THRAP3: variants seen among roughly 807,000 people sequenced by gnomAD.
THRAP3 encodes thyroid hormone receptor-associated protein 3.
THRAP3 carries 16 observed loss-of-function variants against 101.0 expected under a neutral mutation model. That is an observed-to-expected ratio of 0.16 (90% CI 0.11 to 0.24). The LOEUF (loss-of-function observed/expected upper bound fraction) is 0.24. Ranked by LOEUF, THRAP3 falls within the 10% of genes least tolerant of loss-of-function variation. The pLI, the probability that THRAP3 is intolerant of heterozygous loss-of-function variation, is 1.00. For missense variants in THRAP3, 989 were observed against 1,202.7 expected (o/e 0.82, Z 2.63); for synonymous variants, 407 against 422.6 (o/e 0.96, Z 0.45).
chr1:36,248,369 A>G (rs1645256918), intron 1 of THRAP3, among the ~76,000 whole-genome samples: 1 of 151,102 alleles, frequency 6.6e-6, no homozygotes, highest in East Asian at 1.9e-4. Flanking sequence ...TCGAACTCCT[A>G]GCCTCAAGTG....
At chr1:36,256,280 C>T (rs1253477981) in intron 1 of THRAP3, among the ~76,000 whole-genome samples, 1 of 151,618 alleles carries the variant, frequency 6.6e-6, no homozygotes, top group Non-Finnish European at 1.5e-5. Flanking sequence ...GGCTGGAGTG[C>T]AGTGGCGCAA....
chr1:36,282,583 C>T lies in THRAP3; in HGVS notation c.20C>T (p.Ser7Phe), dbSNP rs1261483619. The change falls in exon 3 of 12, where the codon TCC (serine) becomes TTC (phenylalanine). Residue 7 changes from serine (S) to phenylalanine (F), a missense_variant. Transcript: ENST00000354618. ...TCAGAGATGTCAAAAACAAACAAAT[C>T]CAAGTCTGGATCTCGCTCTTCTCGC... MSKTNK[S>F]KSGSRSSRSR... 6.2e-7 allele frequency: 1 copy of T among 1,613,996 alleles called. No individual in the cohort carries two copies. Among genetic ancestry groups the T allele is most frequent in the Non-Finnish European group, 8.5e-7 (1 of 1,179,978 alleles).
In THRAP3 at chr1:36,255,009, A is replaced by G. The variant is rs113071179; in HGVS notation, c.-134-4373A>G. Among the ~76,000 whole-genome samples, 18 of 152,300 alleles carry G rather than the reference A, an allele frequency of 1.2e-4. 2 individuals carry two copies. Among genetic ancestry groups the G allele is most frequent in the African/African-American group, 3.8e-4 (16 of 41,568 alleles). ...GGTTTCCACTGATACCATGAAACCT[A>G]CTTGGAGCAGACATTGCACAGTTTT... On this transcript the variant is annotated intron_variant, in intron 1 of 11. Transcript: ENST00000354618.
chr1:36,276,989 AT>A (rs1191952789), intron 2 of THRAP3, among the ~76,000 whole-genome samples: 2 of 151,958 alleles, frequency 1.3e-5, no homozygotes, highest in African/African-American at 4.8e-5. Flanking sequence ...ATGTTTTGAG[AT>A]GGAGTTTCAT....
intron 1 of THRAP3, among the ~76,000 whole-genome samples, chr1:36,228,222 A>G (rs1054561618): frequency 7.2e-6 from 1 of 139,004 alleles, no homozygotes; most frequent in South Asian, 2.3e-4. Context: ...TAATTTTTGT[A>G]TTTTTTTTTC....
At position 36,281,843 on chromosome 1, in the gene THRAP3, G is replaced by A. The variant is rs561526593; in HGVS notation, c.-31-690G>A. On this transcript the variant is annotated intron_variant, in intron 2 of 11. Coordinates refer to ENST00000354618, the MANE Select transcript of THRAP3 (RefSeq NM_005119.4). ...CCCAGCACTTTGGGAGGCCGAGCCG[G>A]GCAGATTACCTGAGGTCGGGAGTTC... Among the ~76,000 whole-genome samples the A allele has an allele frequency of 2.2e-4, 34 of 152,136 alleles. No individual in the cohort carries two copies. In the East Asian group the frequency reaches 6.2e-3, roughly 28 times the overall value.
chr1:36,253,760 A>ATTTTTTTTTTTTTTTTTTTTTTTTTTT lies in THRAP3; in HGVS notation c.-134-5603_-134-5602insTTTTTTTTTTTTTTTTTTTTTTTTTTT, dbSNP rs58306701. On this transcript the variant is annotated intron_variant, in intron 1 of 11. Transcript: ENST00000354618. ...AGGCGTACACCATTGAGTCAGGCTAATTTTTTTTTTTTTTTTTTTAGTTTT... is the reference window on the plus strand; with the variant it reads ...AGGCGTACACCATTGAGTCAGGCTAATTTTTTTTTTTTTTTTTTTTTTTTTTTTTTTTTTTTTTTTTTTTTTAGTTTT... 1.8e-4 allele frequency among the ~76,000 whole-genome samples: 18 copies of ATTTTTTTTTTTTTTTTTTTTTTTTTTT among 100,216 alleles called. 1 individual carries two copies. Among genetic ancestry groups the ATTTTTTTTTTTTTTTTTTTTTTTTTTT allele is most frequent in the African/African-American group, 5.1e-4 (12 of 23,652 alleles). The allele number at this position is 100,216 out of a possible 152,430, so 65.7% of individuals were successfully genotyped here.
At chr1:36,227,569 T>C (rs505661) in intron 1 of THRAP3, among the ~76,000 whole-genome samples, 30,703 of 151,978 alleles carry the variant, frequency 0.2, 4,694 homozygotes, top group African/African-American at 0.42. Flanking sequence ...AGGCATAAGC[T>C]ACTGCGCCCA....
chr1:36,288,013 G>A (rs1368868679), intron 4 of THRAP3: 8 of 950,250 alleles, frequency 8.4e-6, no homozygotes, highest in East Asian at 1.2e-4. Flanking sequence ...TTCTTTTATC[G>A]TATTTAGCAT....
intron 2 of THRAP3, among the ~76,000 whole-genome samples, chr1:36,281,042 C>G (rs1474775266): frequency 6.6e-6 from 1 of 150,766 alleles, no homozygotes; most frequent in Non-Finnish European, 1.5e-5. Flanking sequence ...TCTCCTGTCT[C>G]AGCTTCCTGA....
chr1:36,276,249 G>A (rs896445067), intron 2 of THRAP3, among the ~76,000 whole-genome samples: 1 of 151,978 alleles, frequency 6.6e-6, no homozygotes, highest in Non-Finnish European at 1.5e-5. Flanking sequence ...TTCAAGGCTG[G>A]GTGTGGTGGC....
intron 10 of THRAP3, 117 bp downstream of exon 10, chr1:36,301,201 C>G: frequency 9.2e-7 from 1 of 1,085,694 alleles, no homozygotes; most frequent in Non-Finnish European, 1.3e-6. Flanking sequence ...TCCAAAGACC[C>G]TGGAATCTTT....
rs58340320 is a variant in THRAP3 at position 36,243,151 on chromosome 1, CTTTTTTTTTT to C, written c.-134-16218_-134-16209del. On this transcript the variant is annotated intron_variant, in intron 1 of 11. Transcript: ENST00000354618. ...TAAGATGCATTTTGTGAGGAACTTT[CTTTTTTTTTT>C]TTTTTTTTTTTTGCTCTGAGCCCAA... 8.1e-4 allele frequency among the ~76,000 whole-genome samples: 49 copies of C among 60,864 alleles called. No individual in the cohort carries two copies. The East Asian group carries it at 0.01, about 13-fold the overall frequency. The allele number at this position is 60,864 out of a possible 152,430, so 39.9% of individuals were successfully genotyped here.
intron 2 of THRAP3, among the ~76,000 whole-genome samples, chr1:36,267,001 C>CT (rs748835479): frequency 6.6e-6 from 1 of 152,072 alleles, no homozygotes; most frequent in Non-Finnish European, 1.5e-5. Context: ...CTGTCTCAGC[C>CT]TCCCGAGTAG....
At chr1:36,261,315 G>A (rs1277381382) in intron 2 of THRAP3, among the ~76,000 whole-genome samples, 2 of 151,948 alleles carry the variant, frequency 1.3e-5, no homozygotes, top group African/African-American at 2.4e-5. Flanking sequence ...GGCAGATCAC[G>A]AGGTCAGGAG....
intron 2 of THRAP3, among the ~76,000 whole-genome samples, chr1:36,274,120 C>T (rs1228799443): frequency 6.7e-6 from 1 of 150,218 alleles, no homozygotes; most frequent in Non-Finnish European, 1.5e-5. Context: ...ACAAAATGAG[C>T]TGTATTTCTA....
rs548508427 is a variant in THRAP3 at position 36,282,076 on chromosome 1, A to AG, written c.-31-456dup. ...CAACAAAAGCAAAACTCCTATCTCA[A>AG]GAAAAAAAAAATTTTTTTTTTAACT... On this transcript the variant is annotated intron_variant, in intron 2 of 11. Transcript: ENST00000354618. Among the ~76,000 whole-genome samples the AG allele has an allele frequency of 4.7e-3, 196 of 42,018 alleles. 1 individual carries two copies. The South Asian group carries it at 0.059, about 13-fold the overall frequency. The allele number at this position is 42,018 out of a possible 152,430, so 27.6% of individuals were successfully genotyped here.
chr1:36,235,086 T>G (rs1473544794), intron 1 of THRAP3, among the ~76,000 whole-genome samples: 1 of 152,220 alleles, frequency 6.6e-6, no homozygotes, highest in Admixed American at 6.5e-5. Flanking sequence ...AGTTCTGGGA[T>G]TACAGGCGTG....
Position 36,261,862 on chromosome 1 carries a change from C to T in THRAP3, c.-32+2378C>T, listed in dbSNP as rs575045470. 1.2e-4 allele frequency among the ~76,000 whole-genome samples: 19 copies of T among 152,132 alleles called. No individual in the cohort carries two copies. The East Asian group carries it at 2.9e-3, about 23-fold the overall frequency. On this transcript the variant is annotated intron_variant, in intron 2 of 11. Coordinates refer to ENST00000354618, the MANE Select transcript of THRAP3 (RefSeq NM_005119.4). ...GTTGTGTTTGTATTTAAGACATCTC[C>T]GCTGCTCCCCCAAACTCATGTGGAG...
Sources: gnomAD v4.1 joint callset for allele counts (sites outside exome capture counted in the v4.1 genomes callset) on GRCh38, gnomAD v4.1.1 for gene constraint, MANE v1.5 for transcripts, NCBI Gene and HGNC (gene_info 2026-07-23, HGNC 2026-07-21) for gene names.